The following NIPBL variants were observed in gnomAD, a reference collection of about 807,000 sequenced individuals.
The protein encoded by NIPBL is nipped-B-like protein.
NIPBL carries 19 observed loss-of-function variants against 321.8 expected under a neutral mutation model. That is an observed-to-expected ratio of 0.06 (90% CI 0.04 to 0.09). NIPBL has a LOEUF of 0.09. Ranked by LOEUF, NIPBL falls within the 10% of genes least tolerant of loss-of-function variation. The pLI, the probability that NIPBL is intolerant of heterozygous loss-of-function variation, is 1.00. For missense variants in NIPBL, 2,210 were observed against 3,327.0 expected (o/e 0.66, Z 8.26); for synonymous variants, 1,106 against 1,114.1 (o/e 0.99, Z 0.14).
intron 10 of NIPBL, 121 bp downstream of exon 10, chr5:36,986,422 T>C (rs1744812153): frequency 2.9e-6 from 2 of 689,038 alleles, no homozygotes. Flanking sequence ...ATAACATTTA[T>C]GTCAAACAAC....
chr5:36,962,440 C>A (rs373788620), intron 6 of NIPBL, among the ~76,000 whole-genome samples, 166 bp downstream of exon 6: 8 of 152,312 alleles, frequency 5.3e-5, no homozygotes, highest in African/African-American at 1.9e-4. Flanking sequence ...CAATGTTACA[C>A]TTACCATTTG....
rs1744576660 is a variant in NIPBL at position 36,984,973 on chromosome 5, A to C, written c.1793A>C (p.Glu598Ala). 3 of 1,613,780 alleles carry C rather than the reference A, an allele frequency of 1.9e-6. No homozygotes were observed. The highest frequency in any genetic ancestry group is 2.5e-6 in the Non-Finnish European group (3 of 1,179,954). The change falls in exon 10 of 47, where the codon GAG (glutamate) becomes GCG (alanine). Residue 598 changes from glutamate to alanine, a missense_variant. Glu to Ala is a moderately radical substitution (Grantham distance 107). Around this residue, in one of 14 missense-constraint regions of NIPBL, gnomAD observed 588 missense variants for 564.1 expected, o/e 1.04. Coordinates refer to ENST00000282516, the MANE Select transcript of NIPBL (RefSeq NM_133433.4). ...SLKSTPENHPETPKKKSDPEL... is the reference protein window; with the variant it reads ...SLKSTPENHPATPKKKSDPEL... The stretch of plus-strand genomic sequence containing the variant: ...AAATCTACACCAGAAAACCATCCTG[A>C]GACACCTAAAAAAAAGTCTGATCCT...
chr5:37,021,708 A>G (rs1749663559), intron 27 of NIPBL, among the ~76,000 whole-genome samples: 1 of 152,228 alleles, frequency 6.6e-6, no homozygotes. Context: ...AATACAAAAC[A>G]TTCAACTACC....
chr5:36,910,495 A>T (rs1747964509), intron 1 of NIPBL, among the ~76,000 whole-genome samples: 1 of 152,164 alleles, frequency 6.6e-6, no homozygotes, highest in Non-Finnish European at 1.5e-5. Context: ...CAACTTGCAC[A>T]TCTTTTCCAT....
At chr5:37,032,432 T>TGTGTGTGTGTGTA (rs1751165727) in intron 32 of NIPBL, among the ~76,000 whole-genome samples, 2 of 138,916 alleles carry the variant, frequency 1.4e-5, no homozygotes, top group South Asian at 4.6e-4. Flanking sequence ...TGTGTGTGTG[T>TGTGTGTGTGTGTA]GTGTGTAGTG....
At chr5:37,019,268 C>A (rs750009720) in intron 24 of NIPBL, 43 bp from the exon 25 acceptor site, 1 of 1,237,566 alleles carries the variant, frequency 8.1e-7, no homozygotes, top group East Asian at 2.3e-5. Flanking sequence ...TATTAAAGCA[C>A]ACCAGTAATA....
At chr5:37,061,652 C>G (rs1407002416) in intron 45 of NIPBL, among the ~76,000 whole-genome samples, 1 of 152,196 alleles carries the variant, frequency 6.6e-6, no homozygotes, top group African/African-American at 2.4e-5. Flanking sequence ...ACACCCCATA[C>G]TGGGTGACAG....
chr5:36,959,404 T>C (rs978113259), intron 4 of NIPBL, among the ~76,000 whole-genome samples: 1 of 152,202 alleles, frequency 6.6e-6, no homozygotes, highest in Non-Finnish European at 1.5e-5. Context: ...TCAAAATGCA[T>C]AATGGGGATG....
chr5:36,928,495 A>G (rs774513896), intron 1 of NIPBL, among the ~76,000 whole-genome samples: 1 of 152,194 alleles, frequency 6.6e-6, no homozygotes, highest in Non-Finnish European at 1.5e-5. Flanking sequence ...ACCTAAGGAG[A>G]AATGTTTAGA....
Position 36,956,895 on chromosome 5 carries a change from G to T in NIPBL, c.231-1209G>T, listed in dbSNP as rs189342752. ...CCACCTCGGCCTCCCAAAGTGCTAG[G>T]ATTATAGGTGTGAGCCACTGTGCCC... On this transcript the variant is annotated intron_variant, in intron 3 of 46. Transcript: ENST00000282516. Among the ~76,000 whole-genome samples, 508 of 152,056 alleles carry T rather than the reference G, an allele frequency of 3.3e-3. 2 individuals carry two copies. The highest frequency in any genetic ancestry group is 0.012 in the African/African-American group (488 of 41,502).
At chr5:37,058,201 C>A (rs980992586) in intron 43 of NIPBL, among the ~76,000 whole-genome samples, 1 of 152,174 alleles carries the variant, frequency 6.6e-6, no homozygotes, top group African/African-American at 2.4e-5. Context: ...TCAACAAAAT[C>A]CACAGATGTT....
chr5:36,890,201 CT>C (rs1348119419), intron 1 of NIPBL, among the ~76,000 whole-genome samples: 1 of 151,998 alleles, frequency 6.6e-6, no homozygotes, highest in African/African-American at 2.4e-5. Context: ...TTTGCTTTTA[CT>C]TTTTTTCTAT....
At chr5:36,956,720 G>T (rs1313864321) in intron 3 of NIPBL, among the ~76,000 whole-genome samples, 1 of 147,362 alleles carries the variant, frequency 6.8e-6, no homozygotes, top group East Asian at 2.0e-4. Flanking sequence ...CACCTCCTGG[G>T]TTCAAGTGAT....
chr5:36,983,510 C>T (rs917970737), intron 9 of NIPBL, among the ~76,000 whole-genome samples: 1 of 151,904 alleles, frequency 6.6e-6, no homozygotes, highest in African/African-American at 2.4e-5. Flanking sequence ...GACTTTTAAC[C>T]TTGTGATACC....
intron 1 of NIPBL, among the ~76,000 whole-genome samples, chr5:36,917,885 C>A (rs1168751410): frequency 3.3e-5 from 5 of 152,208 alleles, no homozygotes; most frequent in East Asian, 1.9e-4. Flanking sequence ...TGGTCTATAT[C>A]TCTGTTTTGG....
intron 9 of NIPBL, among the ~76,000 whole-genome samples, chr5:36,978,805 T>C (rs763120526): frequency 9.9e-5 from 15 of 152,106 alleles, no homozygotes; most frequent in Non-Finnish European, 1.9e-4. Flanking sequence ...CTTCTGCTTA[T>C]GGCTAGCCAG....
intron 40 of NIPBL, 115 bp downstream of exon 40, chr5:37,049,416 T>A: frequency 8.7e-7 from 1 of 1,154,088 alleles, no homozygotes; most frequent in Non-Finnish European, 1.3e-6. Context: ...TTCTTTGTAC[T>A]AAACTCTTAA....
intron 1 of NIPBL, among the ~76,000 whole-genome samples, chr5:36,878,735 G>A (rs1745283621): frequency 6.6e-6 from 1 of 152,178 alleles, no homozygotes; most frequent in African/African-American, 2.4e-5. Flanking sequence ...TTAAAAGAAT[G>A]AAGTTAATAT....
chr5:36,916,019 T>C (rs999500602), intron 1 of NIPBL, among the ~76,000 whole-genome samples: 5 of 152,232 alleles, frequency 3.3e-5, no homozygotes, highest in Non-Finnish European at 7.3e-5. Context: ...GAAAAAGATA[T>C]GAGGAACAAC....
Sources: allele counts gnomAD v4.1 joint callset (sites outside exome capture counted in the v4.1 genomes callset), GRCh38; gene constraint gnomAD v4.1.1; regional missense constraint gnomAD v4.1.1; transcripts MANE v1.5; gene names NCBI Gene and HGNC (gene_info 2026-07-23, HGNC 2026-07-21).